PKNOX2: variants seen among roughly 807,000 people sequenced by gnomAD.
PKNOX2 encodes homeobox protein PKNOX2.
PKNOX2 carries 14 observed loss-of-function variants against 53.1 expected under a neutral mutation model. The observed-to-expected ratio is 0.26, with a 90% CI of 0.17 to 0.41. PKNOX2 has a LOEUF of 0.41. PKNOX2 is among the 10% of genes least tolerant of loss of function. The pLI, the probability that PKNOX2 is intolerant of heterozygous loss-of-function variation, is 1.00. For missense variants in PKNOX2, 496 were observed against 602.8 expected, an observed-to-expected ratio of 0.82 and a Z score of 1.85; for synonymous variants, 257 against 242.8, an observed-to-expected ratio of 1.06 and a Z score of -0.54.
At chr11:125,230,454 AG>A (rs1339514766) in intron 1 of PKNOX2, among the ~76,000 whole-genome samples, 14 of 152,136 alleles carry the variant, frequency 9.2e-5, no homozygotes, top group Admixed American at 7.2e-4. Context: ...ACGCTGTTGG[AG>A]GGACGAGTGG....
At chr11:125,304,051 A>G (rs1399489014) in intron 2 of PKNOX2, among the ~76,000 whole-genome samples, 2 of 152,156 alleles carry the variant, frequency 1.3e-5, no homozygotes, top group Non-Finnish European at 2.9e-5. Context: ...GGATGTCACA[A>G]GGGACGTGGT....
chr11:125,362,859 G>T (rs1036267253), intron 4 of PKNOX2, among the ~76,000 whole-genome samples: 2 of 152,110 alleles, frequency 1.3e-5, no homozygotes, highest in Non-Finnish European at 2.9e-5. Context: ...TGAGTAGAAG[G>T]CCAGACTGCC....
intron 1 of PKNOX2, among the ~76,000 whole-genome samples, chr11:125,189,443 GTGTGTATATATATA>G (rs1405515973): frequency 3.2e-4 from 18 of 56,672 alleles, no homozygotes; most frequent in Admixed American, 1.9e-3. Context: ...GTGTGTGTGT[GTGTGTATATATATA>G]TATATATATA....
intron 2 of PKNOX2, among the ~76,000 whole-genome samples, chr11:125,318,763 G>A (rs927810692): frequency 6.6e-6 from 1 of 152,160 alleles, no homozygotes; most frequent in Non-Finnish European, 1.5e-5. Flanking sequence ...ATCCCTGCCT[G>A]TTGAGGGAGG....
intron 5 of PKNOX2, among the ~76,000 whole-genome samples, chr11:125,381,395 C>T (rs189596788): frequency 2.1e-4 from 32 of 152,220 alleles, no homozygotes; most frequent in African/African-American, 7.7e-4. Flanking sequence ...AGAGAGGGTG[C>T]CAGGCCAGTA....
At chr11:125,293,001 A>G (rs1947402939) in intron 2 of PKNOX2, among the ~76,000 whole-genome samples, 1 of 152,116 alleles carries the variant, frequency 6.6e-6, no homozygotes, top group Non-Finnish European at 1.5e-5. Flanking sequence ...TCACAGGCCA[A>G]CCCCAAAGGG....
intron 4 of PKNOX2, among the ~76,000 whole-genome samples, chr11:125,351,912 C>G (rs545637219): frequency 5.7e-4 from 86 of 152,122 alleles, no homozygotes; most frequent in Non-Finnish European, 1.2e-3. Context: ...TTTTAAAAAG[C>G]CAAGATTCTT....
At chr11:125,341,494 G>A (rs1425297238) in intron 3 of PKNOX2, among the ~76,000 whole-genome samples, 3 of 152,236 alleles carry the variant, frequency 2.0e-5, no homozygotes, top group Non-Finnish European at 4.4e-5. Context: ...CTCCCCCAGT[G>A]AACATGCAAG....
At chr11:125,333,943 A>G (rs1319862167) in intron 3 of PKNOX2, among the ~76,000 whole-genome samples, 2 of 152,202 alleles carry the variant, frequency 1.3e-5, no homozygotes. Context: ...AATGATCTCC[A>G]CGTGTAAACG....
intron 2 of PKNOX2, among the ~76,000 whole-genome samples, chr11:125,267,296 C>T (rs979985414): frequency 6.6e-6 from 1 of 152,252 alleles, no homozygotes; most frequent in Middle Eastern, 3.4e-3. Flanking sequence ...AGTCCTGTCC[C>T]GGGATAGTGC....
chr11:125,431,045 C>T, intron 12 of PKNOX2, 121 bp from the exon 13 acceptor site: 1 of 1,459,954 alleles, frequency 6.8e-7, no homozygotes, highest in Non-Finnish European at 9.0e-7. Context: ...CAGGCTTGGA[C>T]AGCTCTAAAA....
At chr11:125,426,390 C>T (rs1956420812) in intron 10 of PKNOX2, among the ~76,000 whole-genome samples, 1 of 152,178 alleles carries the variant, frequency 6.6e-6, no homozygotes, top group Non-Finnish European at 1.5e-5. Context: ...TTTTTTCTTC[C>T]CATCTAGTCT....
At chr11:125,367,214 C>A (rs146303756) in intron 4 of PKNOX2, among the ~76,000 whole-genome samples, 1 of 152,180 alleles carries the variant, frequency 6.6e-6, no homozygotes, top group African/African-American at 2.4e-5. Context: ...AATTGTCGGC[C>A]TCGGGACACC....
intron 10 of PKNOX2, among the ~76,000 whole-genome samples, chr11:125,425,299 C>G (rs889911042): frequency 2.0e-5 from 3 of 152,236 alleles, no homozygotes; most frequent in African/African-American, 7.2e-5. Flanking sequence ...TCCTTTACTC[C>G]CTGGCAGCAC....
intron 4 of PKNOX2, among the ~76,000 whole-genome samples, chr11:125,357,069 G>C (rs981612811): frequency 6.6e-6 from 1 of 152,240 alleles, no homozygotes; most frequent in Non-Finnish European, 1.5e-5. Flanking sequence ...GATGGTGATT[G>C]ATGGCTCCCT....
intron 1 of PKNOX2, among the ~76,000 whole-genome samples, chr11:125,232,092 G>A (rs1406146925): frequency 6.6e-6 from 1 of 152,174 alleles, no homozygotes; most frequent in East Asian, 1.9e-4. Context: ...CTGCAGATTG[G>A]CTTCCGCTAA....
chr11:125,285,509 T>C (rs1946841237), intron 2 of PKNOX2, among the ~76,000 whole-genome samples: 1 of 152,204 alleles, frequency 6.6e-6, no homozygotes, highest in South Asian at 2.1e-4. Flanking sequence ...TCTTCATCTG[T>C]AAAATGGGGA....
At position 125,431,209 on chromosome 11, in the gene PKNOX2, T is replaced by C; in HGVS notation, c.1236T>C (p.Ser412=). The part of the protein sequence containing the change: ...LDNLQSLSSD[S]ATMAMQQAMM... ...ACCTGCAGTCCCTGTCCTCAGACAG[T>C]GCCACCATGGCCATGCAGCAGGCTA... The change falls in exon 13 of 13, where the codon AGT becomes AGC. Residue 412 remains serine, a synonymous_variant. Coordinates refer to ENST00000298282, the MANE Select transcript of PKNOX2 (RefSeq NM_001382323.2). The C allele has an allele frequency of 3.1e-6, 5 of 1,613,718 alleles. 1 individual carries two copies. The South Asian group carries it at 3.3e-5, about 11-fold the overall frequency.
intron 7 of PKNOX2, among the ~76,000 whole-genome samples, chr11:125,406,125 A>T (rs1360111056): frequency 6.6e-6 from 1 of 152,218 alleles, no homozygotes; most frequent in Non-Finnish European, 1.5e-5. Flanking sequence ...GAGTCTGATA[A>T]GCCCTGAGGG....
Sources: allele counts gnomAD v4.1 joint callset (sites outside exome capture counted in the v4.1 genomes callset), GRCh38; gene constraint gnomAD v4.1.1; transcripts MANE v1.5; gene names NCBI Gene and HGNC (gene_info 2026-07-23, HGNC 2026-07-21).